Variants in POLR3B observed in about 807,000 individuals in gnomAD.
The protein encoded by POLR3B is RNA polymerase III subunit B, also known as DNA-directed RNA polymerase III subunit RPC2.
Under a neutral mutation model 147.4 loss-of-function variants are expected in POLR3B, and 96 were observed. The observed-to-expected ratio is 0.65, with a 90% confidence interval of 0.55 to 0.77. POLR3B has a LOEUF of 0.77. Among genes scored for constraint, POLR3B ranks in the 30% least tolerant of loss-of-function variants. POLR3B has a pLI of 0.00. For missense variants in POLR3B, 1,036 were observed against 1,413.5 expected, an observed-to-expected ratio of 0.73 and a Z score of 4.28; for synonymous variants, 461 against 485.9, an observed-to-expected ratio of 0.95 and a Z score of 0.67.
At chr12:106,450,226 T>C (rs1415047467) in intron 19 of POLR3B, among the ~76,000 whole-genome samples, 1 of 152,102 alleles carries the variant, frequency 6.6e-6, no homozygotes, top group Non-Finnish European at 1.5e-5. Flanking sequence ...ATATGAAAAT[T>C]AACAAAAAAT....
chr12:106,360,852 G>A (rs11831881), intron 1 of POLR3B, among the ~76,000 whole-genome samples: 13,723 of 152,248 alleles, frequency 0.09, 673 homozygotes, highest in Middle Eastern at 0.13. Flanking sequence ...AGAGAGAGAC[G>A]TGTAAGCAAG....
intron 23 of POLR3B, among the ~76,000 whole-genome samples, chr12:106,478,246 A>T (rs748824179): frequency 2.0e-5 from 3 of 152,074 alleles, no homozygotes; most frequent in Admixed American, 6.6e-5. Flanking sequence ...ACACCTAATT[A>T]GTAAGCTCCT....
intron 19 of POLR3B, among the ~76,000 whole-genome samples, chr12:106,445,183 A>G (rs972361380): frequency 6.6e-6 from 1 of 152,162 alleles, no homozygotes; most frequent in Non-Finnish European, 1.5e-5. Flanking sequence ...TTTATTGAGC[A>G]TAACTGTAGA....
At position 106,432,432 on chromosome 12, in the gene POLR3B, T is replaced by C. The variant is rs2137003969; in HGVS notation, c.1579T>C (p.Cys527Arg). The change falls in exon 15 of 28, where the codon TGT (cysteine) becomes CGT (arginine). Residue 527 changes from cysteine to arginine, a missense_variant. Around this residue, in one of 12 missense-constraint regions of POLR3B, gnomAD observed 177 missense variants for 232.7 expected, o/e 0.76. Transcript: ENST00000228347. ...NLGVEDVNLL[C>R]GEELSYPNVF... is the part of the protein sequence containing the mutation. The stretch of plus-strand genomic sequence containing the variant: ...GGGAGTAGAAGATGTGAATTTATTA[T>C]GTGGGGAAGAGCTCTCTTACCCAAA... 3.1e-6 allele frequency: 5 copies of C among 1,613,546 alleles called. No individual in the cohort carries two copies. Among genetic ancestry groups the C allele is most frequent in the Non-Finnish European group, 4.2e-6 (5 of 1,179,448 alleles).
At chr12:106,467,360 G>A (rs886966534) in intron 23 of POLR3B, among the ~76,000 whole-genome samples, 5 of 152,276 alleles carry the variant, frequency 3.3e-5, no homozygotes, top group Admixed American at 6.5e-5. Context: ...GGGCTGAGAC[G>A]ATGGGGTTTT....
intron 2 of POLR3B, among the ~76,000 whole-genome samples, chr12:106,364,949 C>T (rs1284534556): frequency 1.3e-5 from 2 of 152,114 alleles, no homozygotes; most frequent in Non-Finnish European, 2.9e-5. Flanking sequence ...CCCTGGCCAA[C>T]ATAGTGAAAC....
intron 23 of POLR3B, among the ~76,000 whole-genome samples, chr12:106,467,714 G>A (rs1438732114): frequency 1.3e-5 from 2 of 152,204 alleles, no homozygotes; most frequent in African/African-American, 4.8e-5. Context: ...AGATAATCAT[G>A]TGGTTTTTGT....
chr12:106,429,683 AAT>A (rs775786544), intron 13 of POLR3B, among the ~76,000 whole-genome samples: 4 of 152,120 alleles, frequency 2.6e-5, no homozygotes, highest in Admixed American at 6.5e-5. Flanking sequence ...GGCCACAGAG[AAT>A]ATATGTTTCT....
At chr12:106,432,228 G>A (rs1370640823) in intron 14 of POLR3B, 90 bp from the exon 15 acceptor site, 2 of 1,221,716 alleles carry the variant, frequency 1.6e-6, no homozygotes, top group Non-Finnish European at 2.4e-6. Context: ...TTGCATTGCT[G>A]CCAGCAAAGT....
intron 6 of POLR3B, among the ~76,000 whole-genome samples, chr12:106,372,972 C>T (rs1051122124): frequency 6.6e-6 from 1 of 152,160 alleles, no homozygotes; most frequent in Non-Finnish European, 1.5e-5. Context: ...CTTAAGATTT[C>T]CCAATTGGTG....
intron 23 of POLR3B, among the ~76,000 whole-genome samples, chr12:106,489,946 A>G (rs956625422): frequency 6.6e-6 from 1 of 152,192 alleles, no homozygotes; most frequent in African/African-American, 2.4e-5. Context: ...CATAAGGTGT[A>G]TGATGCCAAA....
chr12:106,446,440 A>T, intron 19 of POLR3B: 1 of 343,312 alleles, frequency 2.9e-6, no homozygotes, highest in Non-Finnish European at 5.6e-6. Context: ...AAAAAAGAAA[A>T]GAGAAACCCT....
chr12:106,358,334 A>C, intron 1 of POLR3B: 1 of 904,188 alleles, frequency 1.1e-6, no homozygotes, highest in Non-Finnish European at 1.4e-6. Flanking sequence ...ATGAGGCACC[A>C]CAGCCGGCTG....
In POLR3B at chr12:106,367,000, G is replaced by A. The variant is rs147119335; in HGVS notation, c.227+278G>A. ...CATCTGTAATTCCAGATACTCAGGA[G>A]GCTGAGGCAGGAGAATCGCTTGAAT... On this transcript the variant is annotated intron_variant, in intron 4 of 27. Transcript: ENST00000228347. Among the ~76,000 whole-genome samples, 862 of 152,270 alleles carry A rather than the reference G, an allele frequency of 5.7e-3. 42 individuals are homozygous for A. The highest frequency in any genetic ancestry group is 0.052 in the Admixed American group (794 of 15,294).
At chr12:106,389,601 GT>G (rs111478237) in intron 9 of POLR3B, among the ~76,000 whole-genome samples, 32 of 147,868 alleles carry the variant, frequency 2.2e-4, no homozygotes, top group East Asian at 6.0e-4. Context: ...AGGATTTCAG[GT>G]TTTTTTTTTT....
chr12:106,503,016 A>G (rs2038626380), intron 26 of POLR3B, among the ~76,000 whole-genome samples: 1 of 152,184 alleles, frequency 6.6e-6, no homozygotes, highest in Non-Finnish European at 1.5e-5. Context: ...TTAAAATCCA[A>G]GTATTGGATT....
intron 23 of POLR3B, among the ~76,000 whole-genome samples, chr12:106,478,368 G>T (rs2038212647): frequency 6.6e-6 from 1 of 152,128 alleles, no homozygotes; most frequent in Non-Finnish European, 1.5e-5. Flanking sequence ...TTTCTAATTT[G>T]CAGTGATCTG....
intron 9 of POLR3B, among the ~76,000 whole-genome samples, chr12:106,391,385 T>C (rs1047422925): frequency 9.2e-5 from 14 of 152,164 alleles, no homozygotes; most frequent in African/African-American, 3.4e-4. Flanking sequence ...GGTGAGGCAT[T>C]GAGCTTAGCC....
chr12:106,369,531 G>A, intron 5 of POLR3B, 52 bp from the exon 6 acceptor site: 1 of 1,235,962 alleles, frequency 8.1e-7, no homozygotes, highest in South Asian at 1.2e-5. Flanking sequence ...AAGTGGTCAG[G>A]ACCCTGTTGC....
Sources: allele counts gnomAD v4.1 joint callset (sites outside exome capture counted in the v4.1 genomes callset), GRCh38; gene constraint gnomAD v4.1.1; regional missense constraint gnomAD v4.1.1; transcripts MANE v1.5; gene names NCBI Gene and HGNC (gene_info 2026-07-23, HGNC 2026-07-21).